The following RIPOR2 variants were observed in gnomAD, a reference collection of about 807,000 sequenced individuals.
RIPOR2 encodes the protein rho family-interacting cell polarization regulator 2.
In RIPOR2, 39 loss-of-function variants were observed where a neutral mutation model predicts 114.5. The observed-to-expected ratio is 0.34, with a 90% CI of 0.26 to 0.44. The LOEUF (loss-of-function observed/expected upper bound fraction) is 0.44, where lower values mean the gene tolerates loss of function less well. Among genes scored for constraint, RIPOR2 ranks in the 20% least tolerant of loss-of-function variants. RIPOR2 has a pLI of 1.00. For missense variants in RIPOR2, 1,007 were observed against 1,255.1 expected, an observed-to-expected ratio of 0.80 and a Z score of 2.99; for synonymous variants, 445 against 484.4, an observed-to-expected ratio of 0.92 and a Z score of 1.07.
intron 1 of RIPOR2, among the ~76,000 whole-genome samples, chr6:24,980,869 G>A (rs1318061125): frequency 6.6e-6 from 1 of 152,178 alleles, no homozygotes; most frequent in African/African-American, 2.4e-5. Flanking sequence ...AGTGAAGCTG[G>A]ACAGAAACAG....
intron 1 of RIPOR2, among the ~76,000 whole-genome samples, chr6:25,025,571 T>C (rs886279779): frequency 2.6e-5 from 4 of 152,210 alleles, no homozygotes; most frequent in Non-Finnish European, 5.9e-5. Flanking sequence ...AAGTTCTTTT[T>C]AATTTAAAGT....
At chr6:24,885,555 A>G (rs1476054001) in intron 1 of RIPOR2, among the ~76,000 whole-genome samples, 2 of 152,186 alleles carry the variant, frequency 1.3e-5, no homozygotes, top group Non-Finnish European at 2.9e-5. Context: ...TCTTCCAAGG[A>G]AAGCAACACA....
chr6:24,919,236 T>C (rs1183559312), intron 1 of RIPOR2, among the ~76,000 whole-genome samples: 1 of 152,222 alleles, frequency 6.6e-6, no homozygotes, highest in Non-Finnish European at 1.5e-5. Flanking sequence ...TCCTCCATAA[T>C]TAGCCAGGCT....
chr6:25,035,140 C>T (rs1319617633), intron 1 of RIPOR2, among the ~76,000 whole-genome samples: 2 of 152,168 alleles, frequency 1.3e-5, no homozygotes, highest in Non-Finnish European at 2.9e-5. Flanking sequence ...AAACAAGATT[C>T]AGAACTGGGG....
intron 1 of RIPOR2, among the ~76,000 whole-genome samples, chr6:24,970,847 G>C (rs35685833): frequency 0.28 from 42,430 of 152,018 alleles, 6,662 homozygotes; most frequent in Non-Finnish European, 0.36. Flanking sequence ...AGACGGCCTG[G>C]CTTTGAATTC....
chr6:25,000,646 T>C (rs984952365), intron 1 of RIPOR2, among the ~76,000 whole-genome samples: 5 of 148,806 alleles, frequency 3.4e-5, no homozygotes, highest in African/African-American at 1.3e-4. Flanking sequence ...GCTTTTTCCT[T>C]TTTTTTTTCT....
At chr6:24,850,507 G>T in intron 10 of RIPOR2, 90 bp downstream of exon 10, 1 of 1,428,082 alleles carries the variant, frequency 7.0e-7, no homozygotes. Context: ...GGATGGAGGG[G>T]CAACAGGCAG....
chr6:24,905,522 A>T (rs60555653), intron 1 of RIPOR2, among the ~76,000 whole-genome samples: 8,924 of 152,290 alleles, frequency 0.059, 730 homozygotes, highest in African/African-American at 0.19. Flanking sequence ...TGGAATCTTC[A>T]TGTAGGATAG....
At chr6:24,952,964 T>C (rs1296309355) in intron 1 of RIPOR2, among the ~76,000 whole-genome samples, 2 of 152,244 alleles carry the variant, frequency 1.3e-5, no homozygotes, top group Non-Finnish European at 2.9e-5. Context: ...GCACTGAATG[T>C]ATGTGTCTCC....
chr6:25,023,790 C>A (rs1311164791), intron 1 of RIPOR2: 7 of 780,904 alleles, frequency 9.0e-6, no homozygotes, highest in South Asian at 6.7e-5. Context: ...ACGTTGGTCA[C>A]CTTCACGGGG....
chr6:24,940,899 C>T (rs544968810), upstream of RIPOR2, among the ~76,000 whole-genome samples: 54 of 152,262 alleles, frequency 3.5e-4, no homozygotes, highest in African/African-American at 1.3e-3. Flanking sequence ...AGTGATCTGC[C>T]CGCCTTGGCC....
At chr6:24,986,586 T>G (rs1774538935) in intron 1 of RIPOR2, among the ~76,000 whole-genome samples, 1 of 152,042 alleles carries the variant, frequency 6.6e-6, no homozygotes, top group Non-Finnish European at 1.5e-5. Flanking sequence ...AGGAGAAGCA[T>G]TCTGTTCAGG....
intron 8 of RIPOR2, among the ~76,000 whole-genome samples, chr6:24,855,648 ATATT>A (rs1763395500): frequency 6.6e-6 from 1 of 152,172 alleles, no homozygotes. Context: ...GGTTGCTTTT[ATATT>A]TATTTAAACG....
At chr6:25,033,982 T>C (rs1237832825) in intron 1 of RIPOR2, among the ~76,000 whole-genome samples, 4 of 152,078 alleles carry the variant, frequency 2.6e-5, no homozygotes, top group Non-Finnish European at 4.4e-5. Flanking sequence ...ATACAGTTCA[T>C]TGGTTTCTGT....
intron 1 of RIPOR2, among the ~76,000 whole-genome samples, chr6:25,008,671 G>A (rs1448955268): frequency 2.0e-5 from 3 of 152,234 alleles, no homozygotes; most frequent in Admixed American, 1.3e-4. Context: ...AATACAATAA[G>A]AGATTTCAGA....
At chr6:24,842,140 T>C (rs957261872) in intron 13 of RIPOR2, among the ~76,000 whole-genome samples, 1 of 152,202 alleles carries the variant, frequency 6.6e-6, no homozygotes, top group African/African-American at 2.4e-5. Flanking sequence ...TTCAAATCTG[T>C]CTTCTTGTGC....
chr6:24,959,451 A>G (rs1223947519), intron 1 of RIPOR2, among the ~76,000 whole-genome samples: 4 of 152,244 alleles, frequency 2.6e-5, no homozygotes, highest in African/African-American at 9.6e-5. Flanking sequence ...TCATGAAAGT[A>G]GGAAAGATTG....
chr6:24,872,401 C>CG (rs1028774700), intron 4 of RIPOR2, among the ~76,000 whole-genome samples: 196 of 152,060 alleles, frequency 1.3e-3, no homozygotes, highest in African/African-American at 4.2e-3. Context: ...AAAACACAGA[C>CG]GGGGGGTGGG....
At chr6:24,913,081 C>A (rs1443037218) in intron 1 of RIPOR2, among the ~76,000 whole-genome samples, 3 of 152,180 alleles carry the variant, frequency 2.0e-5, no homozygotes, top group Non-Finnish European at 2.9e-5. Flanking sequence ...TCCACTCCCA[C>A]CCCCAACTTA....
Sources: allele counts gnomAD v4.1 joint callset (sites outside exome capture counted in the v4.1 genomes callset), GRCh38; gene constraint gnomAD v4.1.1; transcripts MANE v1.5; gene names NCBI Gene and HGNC (gene_info 2026-07-23, HGNC 2026-07-21).